Variants in ENOX1 observed in about 807,000 individuals in gnomAD.
The protein encoded by ENOX1 is ecto-NOX disulfide-thiol exchanger 1.
In ENOX1, 42 loss-of-function variants were observed where a neutral mutation model predicts 82.5. That is an observed-to-expected ratio of 0.51 (90% confidence interval 0.40 to 0.66). The LOEUF (loss-of-function observed/expected upper bound fraction) is 0.66. Ranked by LOEUF, ENOX1 falls within the 30% of genes least tolerant of loss-of-function variation. The pLI is 0.00. For missense variants in ENOX1, 608 were observed against 811.6 expected, an observed-to-expected ratio of 0.75 and a Z score of 3.05; for synonymous variants, 271 against 282.2, an observed-to-expected ratio of 0.96 and a Z score of 0.40.
chr13:43,389,878 A>T (rs893980352), intron 5 of ENOX1, among the ~76,000 whole-genome samples: 5 of 152,312 alleles, frequency 3.3e-5, no homozygotes, highest in Admixed American at 2.0e-4. Flanking sequence ...TGGCTGTCCT[A>T]TTCTTCCCTG....
At chr13:43,673,686 T>C (rs1397239602) in intron 1 of ENOX1, among the ~76,000 whole-genome samples, 1 of 152,246 alleles carries the variant, frequency 6.6e-6, no homozygotes, top group African/African-American at 2.4e-5. Context: ...AAGTAGCCTA[T>C]ATTTTTTGAT....
rs1343682344 is a variant in ENOX1 at position 43,470,354 on chromosome 13, G to GTA, written c.-75+13653_-75+13654dup. ...TGTATATATATACGTATATATATATGTATATATATACGTATATATATACAT... is the reference window on the plus strand; with the variant it reads ...TGTATATATATACGTATATATATATGTATATATATATACGTATATATATACAT... On this transcript the variant is annotated intron_variant, in intron 3 of 16. Transcript: ENST00000690772. 6.5e-4 allele frequency among the ~76,000 whole-genome samples: 25 copies of GTA among 38,450 alleles called. 4 individuals are homozygous for GTA. Among genetic ancestry groups the GTA allele is most frequent in the East Asian group, 1.8e-3 (1 of 570 alleles). 25.2% of individuals were successfully genotyped at this position (38,450 alleles called of 152,430 possible).
At chr13:43,325,314 T>C (rs1389095117) in intron 10 of ENOX1, among the ~76,000 whole-genome samples, 1 of 152,250 alleles carries the variant, frequency 6.6e-6, no homozygotes, top group East Asian at 1.9e-4. Context: ...AAAAATGTCC[T>C]TCTTAACAAT....
intron 12 of ENOX1, among the ~76,000 whole-genome samples, chr13:43,294,772 C>T (rs533573887): frequency 1.4e-3 from 211 of 152,288 alleles, no homozygotes; most frequent in African/African-American, 4.3e-3. Flanking sequence ...CTCTTTCTTA[C>T]GGTGGAATAC....
intron 1 of ENOX1, among the ~76,000 whole-genome samples, chr13:43,680,425 G>C (rs890777339): frequency 6.6e-6 from 1 of 152,098 alleles, no homozygotes; most frequent in Non-Finnish European, 1.5e-5. Context: ...TCAATTCAAA[G>C]TATACCTTCC....
chr13:43,649,338 G>A (rs149576566), intron 2 of ENOX1, among the ~76,000 whole-genome samples: 22 of 152,234 alleles, frequency 1.4e-4, no homozygotes, highest in Non-Finnish European at 2.5e-4. Flanking sequence ...GCAGGGCAAC[G>A]CAAATTACCT....
chr13:43,239,427 G>GT (rs2042708667), intron 14 of ENOX1, among the ~76,000 whole-genome samples: 1 of 152,224 alleles, frequency 6.6e-6, no homozygotes, highest in Admixed American at 6.5e-5. Context: ...AAGTGGTACA[G>GT]TATCATTGAA....
At chr13:43,589,601 C>T (rs2081150259) in intron 2 of ENOX1, among the ~76,000 whole-genome samples, 1 of 146,952 alleles carries the variant, frequency 6.8e-6, no homozygotes, top group African/African-American at 2.5e-5. Flanking sequence ...AAACCCTGGG[C>T]TCAAGCAATT....
intron 1 of ENOX1, among the ~76,000 whole-genome samples, chr13:43,767,450 A>T (rs1027426292): frequency 2.6e-5 from 4 of 152,178 alleles, no homozygotes; most frequent in Admixed American, 1.3e-4. Context: ...CTCAGCCAAC[A>T]ATATCACCAG....
intron 10 of ENOX1, among the ~76,000 whole-genome samples, chr13:43,325,126 A>G (rs1002452569): frequency 6.6e-6 from 1 of 152,146 alleles, no homozygotes; most frequent in Non-Finnish European, 1.5e-5. Context: ...TAATCTTGAA[A>G]ATCAGCCTTG....
chr13:43,248,917 G>A (rs543032951), intron 14 of ENOX1, among the ~76,000 whole-genome samples: 1 of 152,154 alleles, frequency 6.6e-6, no homozygotes, highest in East Asian at 1.9e-4. Flanking sequence ...ATAGGATTAT[G>A]ATACATATAT....
At chr13:43,675,442 C>G (rs964345455) in intron 1 of ENOX1, among the ~76,000 whole-genome samples, 1 of 152,158 alleles carries the variant, frequency 6.6e-6, no homozygotes, top group Non-Finnish European at 1.5e-5. Context: ...CAAGGGAAAT[C>G]AAGTTCAGCT....
At chr13:43,246,458 A>G (rs992884161) in intron 14 of ENOX1, among the ~76,000 whole-genome samples, 1 of 152,212 alleles carries the variant, frequency 6.6e-6, no homozygotes, top group African/African-American at 2.4e-5. Flanking sequence ...TTGCATAAAC[A>G]TGAAAGGAAA....
chr13:43,461,456 T>A lies in ENOX1; in HGVS notation c.-75+22553A>T, dbSNP rs114972215. On this transcript the variant is annotated intron_variant, in intron 3 of 16. Transcript: ENST00000690772. Reference sequence around the variant, plus strand: ...CACCACCATCTATTGATATATATATTTTTTTCTTACAAGAAACTGTATTAG... The same window carrying A: ...CACCACCATCTATTGATATATATATATTTTTCTTACAAGAAACTGTATTAG... 2.8e-3 allele frequency among the ~76,000 whole-genome samples: 422 copies of A among 152,198 alleles called. 3 individuals carry two copies. Among genetic ancestry groups the A allele is most frequent in the African/African-American group, 9.1e-3 (378 of 41,444 alleles).
intron 2 of ENOX1, among the ~76,000 whole-genome samples, chr13:43,559,048 G>A (rs1298529627): frequency 1.3e-5 from 2 of 152,136 alleles, no homozygotes; most frequent in African/African-American, 4.8e-5. Flanking sequence ...CACAAACAGA[G>A]TAAAAATATG....
intron 1 of ENOX1, among the ~76,000 whole-genome samples, chr13:43,732,164 T>C (rs2089385084): frequency 1.3e-5 from 2 of 152,208 alleles, no homozygotes; most frequent in Admixed American, 6.5e-5. Flanking sequence ...AAACAGCATA[T>C]TTATGGGGTT....
chr13:43,236,889 C>T (rs1343215538), intron 14 of ENOX1, 151 bp from the exon 15 acceptor site: 3 of 440,274 alleles, frequency 6.8e-6, no homozygotes, highest in Admixed American at 4.4e-5. Flanking sequence ...GATCTATTTG[C>T]CCAAGAGTAG....
intron 1 of ENOX1, among the ~76,000 whole-genome samples, chr13:43,713,927 G>C (rs1266951752): frequency 6.7e-6 from 1 of 150,306 alleles, no homozygotes; most frequent in Non-Finnish European, 1.5e-5. Context: ...GTTCTGCTCT[G>C]ATTTTAGTTA....
intron 2 of ENOX1, among the ~76,000 whole-genome samples, chr13:43,506,306 G>C (rs1353868009): frequency 6.6e-6 from 1 of 151,874 alleles, no homozygotes; most frequent in African/African-American, 2.4e-5. Flanking sequence ...ACACCAGTTA[G>C]AATGGCGATC....
Sources: gnomAD v4.1 joint callset for allele counts (sites outside exome capture counted in the v4.1 genomes callset) on GRCh38, gnomAD v4.1.1 for gene constraint, MANE v1.5 for transcripts, NCBI Gene and HGNC (gene_info 2026-07-23, HGNC 2026-07-21) for gene names.